Variants in USF3 observed in about 807,000 individuals in gnomAD.
USF3 encodes the protein basic helix-loop-helix domain-containing protein USF3.
In USF3, 29 loss-of-function variants were observed where a neutral mutation model predicts 157.5. That is an observed-to-expected ratio of 0.18 (90% CI 0.14 to 0.25). USF3 has a LOEUF of 0.25. Among genes scored for constraint, USF3 ranks in the 10% least tolerant of loss-of-function variants. The probability of loss-of-function intolerance (pLI) is 1.00; values close to 1 mark genes in which losing one functional copy is unlikely to be tolerated. For synonymous variants in USF3, 893 were observed against 941.4 expected (o/e 0.95, Z 0.94); for missense variants, 2,381 against 2,667.6 (o/e 0.89, Z 2.37).
chr3:113,681,504 A>C (rs1707426430), intron 1 of USF3, among the ~76,000 whole-genome samples: 1 of 150,018 alleles, frequency 6.7e-6, no homozygotes, highest in Non-Finnish European at 1.5e-5. Context: ...GTTTTATTCC[A>C]CTGTGATCAG....
Position 113,659,085 on chromosome 3 carries a change from G to A in USF3, c.2597C>T (p.Ser866Phe). ...TGATTCAGAGCTTAGAACACCCAAA[G>A]AATGTGAAGCAGAAACACTCACACT... ...ANSVSVSASH[S>F]LGVLSSESLI... is the part of the protein sequence containing the mutation. Residue 866 changes from serine (S) to phenylalanine (F), a missense_variant, in exon 7 of 7, where the codon TCT (serine) becomes TTT (phenylalanine). Physicochemically the swap from Ser to Phe is radical, Grantham distance 155. This residue lies in a region of USF3 where 1,435 missense variants were observed against 1,550.9 expected (regional missense o/e 0.93). Coordinates refer to ENST00000316407, the MANE Select transcript of USF3 (RefSeq NM_001009899.4). 6.2e-7 allele frequency: 1 copy of A among 1,614,142 alleles called. No individual in the cohort carries two copies. The highest frequency in any genetic ancestry group is 8.5e-7 in the Non-Finnish European group (1 of 1,179,986).
intron 1 of USF3, among the ~76,000 whole-genome samples, chr3:113,692,857 C>A (rs1268597341): frequency 2.6e-5 from 4 of 152,144 alleles, no homozygotes; most frequent in Admixed American, 6.6e-5. Flanking sequence ...GGACAGTTAA[C>A]CACGTTTCTT....
Position 113,660,245 on chromosome 3 carries a change from G to A in USF3, c.1437C>T (p.Asn479=). ...NHSRYVATDI[N]LNNSFPADGQ... is the part of the protein sequence containing the mutation. ...CATCTGCTGGAAAGGAATTATTCAA[G>A]TTGATGTCTGTAGCCACATATCTAC... Residue 479 remains asparagine, a synonymous_variant, in exon 7 of 7, where the codon AAC becomes AAT. Transcript: ENST00000316407. The A allele has an allele frequency of 1.2e-6, 2 of 1,614,220 alleles. No homozygotes were observed. The highest frequency in any genetic ancestry group is 2.2e-5 in the South Asian group (2 of 91,088).
chr3:113,671,313 T>C (rs1249818797), intron 4 of USF3, among the ~76,000 whole-genome samples: 2 of 152,188 alleles, frequency 1.3e-5, no homozygotes, highest in African/African-American at 4.8e-5. Flanking sequence ...CTTTTTGGAA[T>C]AGAAACAGCT....
Position 113,659,525 on chromosome 3 carries a change from T to A in USF3, c.2157A>T (p.Ser719=). Reference sequence around the variant, plus strand: ...GTACACAGCTTTGCCCAGCCATCTGTGATATGCTTTGATTGAGGCTGGCCA... The same window carrying A: ...GTACACAGCTTTGCCCAGCCATCTGAGATATGCTTTGATTGAGGCTGGCCA... ...GALASLNQSI[S]QMAGQSCVQL... The change falls in exon 7 of 7, where the codon TCA becomes TCT. Residue 719 remains serine, a synonymous_variant. Coordinates refer to ENST00000316407, the MANE Select transcript of USF3 (RefSeq NM_001009899.4). 1.2e-6 allele frequency: 2 copies of A among 1,614,196 alleles called. No individual in the cohort carries two copies. Among genetic ancestry groups the A allele is most frequent in the Non-Finnish European group, 1.7e-6 (2 of 1,179,998 alleles).
chr3:113,659,141 C>T lies in USF3; in HGVS notation c.2541G>A (p.Val847=), dbSNP rs150557475. Residue 847 remains valine (V), a synonymous_variant, in exon 7 of 7, where the codon GTG becomes GTA. Transcript: ENST00000316407. The part of the protein sequence containing the change: ...NDGLLESFPA[V]LPSVSVSQAN... ...CCTGAGACACAGAGACAGATGGTAA[C>T]ACAGCAGGGAAGCTTTCTAGCAGTC... 2 of 1,614,176 alleles carry T rather than the reference C, an allele frequency of 1.2e-6. No individual in the cohort carries two copies. The highest frequency in any genetic ancestry group is 2.2e-5 in the East Asian group (1 of 44,884).
intron 5 of USF3, 57 bp downstream of exon 5, chr3:113,670,064 A>G: frequency 8.6e-7 from 1 of 1,160,490 alleles, no homozygotes. Context: ...GCACCAAAAC[A>G]ACTTAGGGAA....
intron 5 of USF3, among the ~76,000 whole-genome samples, chr3:113,665,995 A>G (rs917887646): frequency 6.6e-6 from 1 of 151,644 alleles, no homozygotes; most frequent in African/African-American, 2.4e-5. Context: ...AACCAGCCTG[A>G]CCAACATGGA....
At chr3:113,675,063 T>C (rs1707246143) in intron 2 of USF3, among the ~76,000 whole-genome samples, 167 bp from the exon 3 acceptor site, 1 of 152,154 alleles carries the variant, frequency 6.6e-6, no homozygotes, top group Non-Finnish European at 1.5e-5. Flanking sequence ...GAAAATAGCA[T>C]AAAAGTACTA....
At chr3:113,682,935 T>C (rs1707468065) in intron 1 of USF3, among the ~76,000 whole-genome samples, 1 of 151,274 alleles carries the variant, frequency 6.6e-6, no homozygotes, top group African/African-American at 2.4e-5. Flanking sequence ...AGCCACTCTA[T>C]GTCTTTGGAT....
At chr3:113,668,055 G>T (rs1947597400) in intron 5 of USF3, among the ~76,000 whole-genome samples, 1 of 152,084 alleles carries the variant, frequency 6.6e-6, no homozygotes, top group Non-Finnish European at 1.5e-5. Flanking sequence ...TACAGAAGAT[G>T]GAGTGAGCTG....
At position 113,657,975 on chromosome 3, in the gene USF3, A is replaced by G; in HGVS notation, c.3707T>C (p.Ile1236Thr). Residue 1236 changes from isoleucine (I) to threonine (T), a missense_variant, in exon 7 of 7, where the codon ATC becomes ACC. Around this residue, in one of 6 missense-constraint regions of USF3, gnomAD observed 1,435 missense variants for 1,550.9 expected, o/e 0.93. Transcript: ENST00000316407. ...AAGATTATTCACACTTAAACTGGTGATGCTTGGTGGCTGAGAAGTTGAATC... is the reference window on the plus strand; with the variant it reads ...AAGATTATTCACACTTAAACTGGTGGTGCTTGGTGGCTGAGAAGTTGAATC... ...LQDSTSQPPSITSLSVNNLIH... is the reference protein window; with the variant it reads ...LQDSTSQPPSTTSLSVNNLIH... 1 of 1,614,166 alleles carries G rather than the reference A, an allele frequency of 6.2e-7. No individual in the cohort carries two copies. Among genetic ancestry groups the G allele is most frequent in the Non-Finnish European group, 8.5e-7 (1 of 1,180,024 alleles).
intron 3 of USF3, among the ~76,000 whole-genome samples, chr3:113,673,609 T>C (rs1707211585): frequency 6.6e-6 from 1 of 152,256 alleles, no homozygotes; most frequent in East Asian, 1.9e-4. Context: ...TACAACTCTC[T>C]ATTCTTCCAT....
chr3:113,683,784 C>A (rs893216646), intron 1 of USF3, among the ~76,000 whole-genome samples: 1 of 152,062 alleles, frequency 6.6e-6, no homozygotes, highest in African/African-American at 2.4e-5. Flanking sequence ...TGCTTTTTAA[C>A]CTTCTGATGT....
intron 1 of USF3, among the ~76,000 whole-genome samples, chr3:113,693,549 TA>T (rs1218007978): frequency 6.6e-6 from 1 of 152,186 alleles, no homozygotes; most frequent in African/African-American, 2.4e-5. Flanking sequence ...AAATCAAACC[TA>T]AAACTATGGT....
chr3:113,657,263 TTGCTGCTGCTGCTGCTGCTGC>T lies in USF3; in HGVS notation c.4398_4418del (p.Gln1472_Gln1478del), dbSNP rs10606566. 14 of 1,582,640 alleles carry T rather than the reference TTGCTGCTGCTGCTGCTGCTGC, an allele frequency of 8.8e-6. No individual in the cohort carries two copies. The highest frequency in any genetic ancestry group is 2.7e-5 in the African/African-American group (2 of 73,806). On this transcript the variant is annotated inframe_deletion, in exon 7 of 7. Transcript: ENST00000316407. Reference sequence around the variant, plus strand: ...ACTGCCCTGCTTGTTGTTGTTGCTGTTGCTGCTGCTGCTGCTGCTGCTGCTGCTGCTGCTGCTTTATGTAGA... The same window carrying T: ...ACTGCCCTGCTTGTTGTTGTTGCTGTTGCTGCTGCTGCTGCTTTATGTAGA...
In USF3 at chr3:113,661,022, G is replaced by A; in HGVS notation, c.660C>T (p.Asn220=). The A allele has an allele frequency of 6.2e-7, 1 of 1,614,130 alleles. No homozygotes were observed. The highest frequency in any genetic ancestry group is 8.5e-7 in the Non-Finnish European group (1 of 1,180,020). Reference sequence around the variant, plus strand: ...CAGGAAGACAAAGAGGAACAGGCTGGTTGGTAGCCAATGCAGGAACTGTGG... The same window carrying A: ...CAGGAAGACAAAGAGGAACAGGCTGATTGGTAGCCAATGCAGGAACTGTGG... ...HQTTVPALAT[N]QPVPLCLPAA... is the part of the protein sequence containing the mutation. The change falls in exon 7 of 7, where the codon AAC becomes AAT. Residue 220 remains asparagine (N), a synonymous_variant. Coordinates refer to ENST00000316407, the MANE Select transcript of USF3 (RefSeq NM_001009899.4).
chr3:113,694,944 C>T (rs1337786267), intron 1 of USF3, among the ~76,000 whole-genome samples: 1 of 152,142 alleles, frequency 6.6e-6, no homozygotes, highest in African/African-American at 2.4e-5. Context: ...ACTCAGGAGG[C>T]TGATGCAGGA....
At chr3:113,663,443 G>A (rs1947517394) in intron 6 of USF3, among the ~76,000 whole-genome samples, 1 of 152,174 alleles carries the variant, frequency 6.6e-6, no homozygotes, top group South Asian at 2.1e-4. Flanking sequence ...ATAAACACCA[G>A]CTAAACTAGG....
Sources: gnomAD v4.1 joint callset for allele counts (sites outside exome capture counted in the v4.1 genomes callset) on GRCh38, gnomAD v4.1.1 for gene constraint, gnomAD v4.1.1 regional missense constraint, MANE v1.5 for transcripts, NCBI Gene and HGNC (gene_info 2026-07-23, HGNC 2026-07-21) for gene names.